The following MAP4K3 variants were observed in gnomAD, a reference collection of about 807,000 sequenced individuals.
The protein encoded by MAP4K3 is mitogen-activated protein kinase kinase kinase kinase 3, also known as MAPK/ERK kinase kinase kinase 3.
Under a neutral mutation model 143.5 loss-of-function variants are expected in MAP4K3, and 94 were observed. That is an observed-to-expected ratio of 0.65 (90% confidence interval 0.55 to 0.78). The LOEUF (loss-of-function observed/expected upper bound fraction) is 0.78. Ranked by LOEUF, MAP4K3 falls within the 30% of genes least tolerant of loss-of-function variation. The pLI, the probability that MAP4K3 is intolerant of heterozygous loss-of-function variation, is 0.00. For synonymous variants in MAP4K3, 416 were observed against 347.2 expected, an observed-to-expected ratio of 1.20 and a Z score of -2.20; for missense variants, 1,077 against 1,068.1, an observed-to-expected ratio of 1.01 and a Z score of -0.12.
At chr2:39,322,592 A>ATATGTGTG (rs368092389) in intron 12 of MAP4K3, among the ~76,000 whole-genome samples, 2 of 144,720 alleles carry the variant, frequency 1.4e-5, no homozygotes, top group Non-Finnish European at 3.0e-5. Flanking sequence ...GATGTGGTAT[A>ATATGTGTG]TGTGTGTGTG....
chr2:39,417,725 G>C (rs1367220821), intron 1 of MAP4K3, among the ~76,000 whole-genome samples: 2 of 152,188 alleles, frequency 1.3e-5, no homozygotes, highest in East Asian at 3.8e-4. Flanking sequence ...CATCTACTAA[G>C]AGAAATCCTA....
chr2:39,369,193 G>GTTTGTTTGTTTTTT (rs1666007574), intron 2 of MAP4K3, among the ~76,000 whole-genome samples: 1 of 37,978 alleles, frequency 2.6e-5, no homozygotes, highest in African/African-American at 5.8e-5. Context: ...CTTTGGGCTA[G>GTTTGTTTGTTTTTT]TTTTTTTTTT....
intron 3 of MAP4K3, among the ~76,000 whole-genome samples, chr2:39,343,782 T>C (rs527600711): frequency 6.6e-6 from 1 of 152,252 alleles, no homozygotes; most frequent in South Asian, 2.1e-4. Flanking sequence ...CACAGACAAA[T>C]GGCAATAAAT....
At chr2:39,325,453 C>G in intron 12 of MAP4K3, 65 bp downstream of exon 12, 1 of 1,094,930 alleles carries the variant, frequency 9.1e-7, no homozygotes. Flanking sequence ...GACGTACATA[C>G]AGACACACAT....
intron 1 of MAP4K3, among the ~76,000 whole-genome samples, chr2:39,413,025 C>T (rs1403341598): frequency 3.9e-5 from 6 of 152,162 alleles, no homozygotes; most frequent in Admixed American, 3.9e-4. Flanking sequence ...TTGTCTACCT[C>T]ACTGAAGTGA....
chr2:39,389,801 G>A (rs1666603306), intron 1 of MAP4K3, among the ~76,000 whole-genome samples: 2 of 152,250 alleles, frequency 1.3e-5, no homozygotes, highest in East Asian at 1.9e-4. Flanking sequence ...AAAAGGCTCA[G>A]AAAGAAAGTT....
intron 2 of MAP4K3, among the ~76,000 whole-genome samples, chr2:39,371,858 T>A (rs1427286272): frequency 2.0e-5 from 3 of 151,078 alleles, no homozygotes; most frequent in Non-Finnish European, 4.4e-5. Flanking sequence ...CACACATCTA[T>A]CTATATACAT....
In MAP4K3 at chr2:39,286,860, C is replaced by T. The variant is rs764202346; in HGVS notation, c.1579G>A (p.Asp527Asn). 2.0e-5 allele frequency: 32 copies of T among 1,599,010 alleles called. No individual in the cohort carries two copies. Among genetic ancestry groups the T allele is most frequent in the Non-Finnish European group, 2.7e-5 (32 of 1,174,030 alleles). ...TGACTATCAATACCTACTGGTACAT[C>T]TTTCTTTTCTTTTCTTGAAAGGTTT... The part of the protein sequence containing the change: ...GTNLSRKEKK[D>N]VPKPISNGLP... Residue 527 changes from aspartate to asparagine, a missense_variant, in exon 21 of 34, where the codon GAT becomes AAT. By Grantham distance (23) the Asp-to-Asn change is conservative (BLOSUM62 1). Around this residue, in one of 2 missense-constraint regions of MAP4K3, gnomAD observed 864 missense variants for 801.2 expected, o/e 1.08. Transcript: ENST00000263881.
intron 4 of MAP4K3, among the ~76,000 whole-genome samples, chr2:39,338,866 C>A (rs1558654680): frequency 6.6e-6 from 1 of 152,194 alleles, no homozygotes; most frequent in Non-Finnish European, 1.5e-5. Flanking sequence ...GGGTCCTTGC[C>A]AGACACCAAA....
chr2:39,353,365 C>T (rs1288255287), intron 3 of MAP4K3, among the ~76,000 whole-genome samples: 1 of 152,144 alleles, frequency 6.6e-6, no homozygotes, highest in East Asian at 1.9e-4. Context: ...AAATTAATTG[C>T]TATCCTACAT....
rs1665894661 is a variant in MAP4K3, at chr2:39,365,440, T to TG, written c.155-9102_155-9101insC. Among the ~76,000 whole-genome samples the TG allele has an allele frequency of 2.1e-5, 3 of 143,824 alleles. 1 individual carries two copies. The highest frequency in any genetic ancestry group is 2.1e-4 in the Admixed American group (3 of 14,554). The allele number at this position is 143,824 out of a possible 152,430, so 94.4% of individuals were successfully genotyped here. A position where few individuals can be genotyped will look rare whatever the true frequency, so the allele number is the denominator to read the frequency against. On this transcript the variant is annotated intron_variant, in intron 2 of 33. Transcript: ENST00000263881. Reference sequence around the variant, plus strand: ...GGTTACGCCATAGTAATTTTTTTTTTTTTTTTTTTTTTTTTGAGACGGAGT... The same window carrying TG: ...GGTTACGCCATAGTAATTTTTTTTTTGTTTTTTTTTTTTTTTGAGACGGAGT...
At chr2:39,303,596 T>C (rs933380996) in intron 15 of MAP4K3, among the ~76,000 whole-genome samples, 1 of 152,234 alleles carries the variant, frequency 6.6e-6, no homozygotes, top group African/African-American at 2.4e-5. Context: ...TGGAGTGCAG[T>C]GGCACGATCT....
chr2:39,423,169 G>C (rs1016830056), intron 1 of MAP4K3, among the ~76,000 whole-genome samples: 1 of 152,120 alleles, frequency 6.6e-6, no homozygotes, highest in Non-Finnish European at 1.5e-5. Flanking sequence ...CATAGGAAAA[G>C]ATGACCAACA....
intron 13 of MAP4K3, among the ~76,000 whole-genome samples, chr2:39,315,102 C>T (rs554233397): frequency 5.3e-5 from 8 of 152,290 alleles, no homozygotes; most frequent in Admixed American, 1.3e-4. Context: ...TCCTCCCAAA[C>T]AGTAACAACA....
At chr2:39,343,351 C>T (rs780032835) in intron 4 of MAP4K3, 37 bp downstream of exon 4, 1 of 1,427,500 alleles carries the variant, frequency 7.0e-7, no homozygotes, top group Admixed American at 1.8e-5. Flanking sequence ...TTAAGAAATT[C>T]AACCTAACCC....
chr2:39,434,789 AG>A lies in MAP4K3; in HGVS notation c.96+2102del, dbSNP rs1169802360. ...GAGTTAACAATAGCACCTATCTCAC[AG>A]GGTTGCTGTTAGGATTAATTAGAAA... On this transcript the variant is annotated intron_variant, in intron 1 of 33. Coordinates refer to ENST00000263881, the MANE Select transcript of MAP4K3 (RefSeq NM_003618.4). 2.6e-5 allele frequency among the ~76,000 whole-genome samples: 4 copies of A among 152,362 alleles called. No homozygotes were observed. The South Asian group carries it at 6.2e-4, about 24-fold the overall frequency.
At chr2:39,325,216 A>G (rs544326950) in intron 12 of MAP4K3, among the ~76,000 whole-genome samples, 1 of 152,302 alleles carries the variant, frequency 6.6e-6, no homozygotes, top group South Asian at 2.1e-4. Flanking sequence ...GTGAATGATT[A>G]TTTGGCAACT....
chr2:39,412,022 C>T (rs918359992), intron 1 of MAP4K3, among the ~76,000 whole-genome samples: 2 of 152,190 alleles, frequency 1.3e-5, no homozygotes, highest in Admixed American at 1.3e-4. Context: ...TTCAGTAGTA[C>T]ACTAACTCTG....
chr2:39,329,028 C>G (rs1201514381), intron 8 of MAP4K3, among the ~76,000 whole-genome samples: 1 of 152,068 alleles, frequency 6.6e-6, no homozygotes, highest in African/African-American at 2.4e-5. Context: ...GATATAATAC[C>G]AGAAAGACAG....
Sources: allele counts gnomAD v4.1 joint callset (sites outside exome capture counted in the v4.1 genomes callset), GRCh38; gene constraint gnomAD v4.1.1; regional missense constraint gnomAD v4.1.1; transcripts MANE v1.5; gene names NCBI Gene and HGNC (gene_info 2026-07-23, HGNC 2026-07-21).